The following GSKIP variants were observed in gnomAD, a reference collection of about 807,000 sequenced individuals.
GSKIP encodes the protein GSK3B-interacting protein.
A neutral mutation model predicts 11.9 loss-of-function variants in GSKIP; 5 were observed. The observed-to-expected ratio is 0.42, with a 90% CI of 0.22 to 0.89. The LOEUF (loss-of-function observed/expected upper bound fraction) is 0.89. Ranked by LOEUF, GSKIP falls within the 40% of genes least tolerant of loss-of-function variation. The pLI is 0.29. For missense variants in GSKIP, 150 were observed against 166.6 expected, an observed-to-expected ratio of 0.90 and a Z score of 0.55; for synonymous variants, 70 against 62.9, an observed-to-expected ratio of 1.11 and a Z score of -0.54.
At chr14:96,370,121 A>G (rs1315273426) in intron 1 of GSKIP, among the ~76,000 whole-genome samples, 1 of 152,188 alleles carries the variant, frequency 6.6e-6, no homozygotes, top group East Asian at 1.9e-4. Flanking sequence ...GGAGTATCTT[A>G]CCCTTTTCTC....
intron 2 of GSKIP, among the ~76,000 whole-genome samples, chr14:96,382,039 AT>A (rs1231961725): frequency 6.6e-6 from 1 of 152,062 alleles, no homozygotes; most frequent in Non-Finnish European, 1.5e-5. Flanking sequence ...GAGAAGGGAG[AT>A]TCTTTTTTTT....
intron 1 of GSKIP, chr14:96,379,050 G>C (rs1331358703): frequency 6.5e-6 from 1 of 152,716 alleles, no homozygotes; most frequent in Non-Finnish European, 1.5e-5. Flanking sequence ...GGGCGCAGTG[G>C]TTCATGCCTG....
At chr14:96,372,290 A>G (rs889514565) in intron 1 of GSKIP, among the ~76,000 whole-genome samples, 6 of 152,338 alleles carry the variant, frequency 3.9e-5, no homozygotes, top group African/African-American at 1.4e-4. Context: ...GCTTTATGCC[A>G]GACACTGTGC....
chr14:96,364,440 A>G (rs886890083), intron 1 of GSKIP: 1 of 152,242 alleles, frequency 6.6e-6, no homozygotes, highest in African/African-American at 2.4e-5. Context: ...CAGAGTCCTG[A>G]AACATACAGC....
chr14:96,374,377 T>C (rs1244135532), intron 1 of GSKIP, among the ~76,000 whole-genome samples: 1 of 152,122 alleles, frequency 6.6e-6, no homozygotes, highest in Non-Finnish European at 1.5e-5. Context: ...ATTTTCCAAA[T>C]TTGTTGAAAA....
chr14:96,375,067 G>C (rs1271045301), intron 1 of GSKIP, among the ~76,000 whole-genome samples: 1 of 152,130 alleles, frequency 6.6e-6, no homozygotes, highest in Non-Finnish European at 1.5e-5. Flanking sequence ...GTTTTGTAAA[G>C]TTCATATACA....
intron 3 of GSKIP, chr14:96,384,620 A>C (rs1388917817): frequency 6.6e-6 from 1 of 152,048 alleles, no homozygotes; most frequent in Admixed American, 6.5e-5. Flanking sequence ...AAAAAGAAAA[A>C]CACATGGCCT....
At chr14:96,380,199 T>A (rs1224584865) in intron 2 of GSKIP, 1 of 152,260 alleles carries the variant, frequency 6.6e-6, no homozygotes, top group Non-Finnish European at 1.5e-5. Context: ...AGCGAGTGAC[T>A]AATTCTGTAA....
chr14:96,373,032 C>T (rs768024470), intron 1 of GSKIP, among the ~76,000 whole-genome samples: 40 of 151,864 alleles, frequency 2.6e-4, no homozygotes, highest in Non-Finnish European at 5.1e-4. Context: ...GAGTTTGAGA[C>T]CAGCCTAACC....
rs2139947427 is a variant in GSKIP at position 96,386,021 on chromosome 14, G to T, written c.*337G>T. ...CTTTTACATAGGAAATTCTAGATTT[G>T]CACAGTAATAGAGGAATTAGAAGTA... On this transcript the variant is annotated 3_prime_UTR_variant, in exon 4 of 4. Coordinates refer to ENST00000555181, the MANE Select transcript of GSKIP (RefSeq NM_016472.5). 2 of 187,932 alleles carry T rather than the reference G, an allele frequency of 1.1e-5. No individual in the cohort carries two copies. Among genetic ancestry groups the T allele is most frequent in the Non-Finnish European group, 2.2e-5 (2 of 89,728 alleles). 11.6% of individuals were successfully genotyped at this position (187,932 alleles called of 1,614,324 possible). A position where few individuals can be genotyped will look rare whatever the true frequency, so the allele number is the denominator to read the frequency against.
At chr14:96,365,684 A>G (rs953910533) in intron 1 of GSKIP, among the ~76,000 whole-genome samples, 5 of 151,932 alleles carry the variant, frequency 3.3e-5, no homozygotes, top group Admixed American at 1.3e-4. Context: ...TATATAAAAA[A>G]TCAGTCAGGT....
rs928776922 is a variant in GSKIP at position 96,386,517 on chromosome 14, ATG to A, written c.*839_*840del. The A allele has an allele frequency of 6.6e-6, 1 of 152,570 alleles. No individual in the cohort carries two copies. Among genetic ancestry groups the A allele is most frequent in the Non-Finnish European group, 1.5e-5 (1 of 68,028 alleles). 9.5% of individuals were successfully genotyped at this position (152,570 alleles called of 1,614,324 possible). A position where few individuals can be genotyped will look rare whatever the true frequency, so the allele number is the denominator to read the frequency against. On this transcript the variant is annotated 3_prime_UTR_variant, in exon 4 of 4. Transcript: ENST00000555181. ...TGGCCTGTGTTGATTCTTATTCTGA[ATG>A]TGTGTTTACATAATGTACAGTATAT...
intron 1 of GSKIP, among the ~76,000 whole-genome samples, chr14:96,375,437 T>TC (rs1491246799): frequency 3.7e-4 from 12 of 32,152 alleles, no homozygotes; most frequent in African/African-American, 1.8e-3. Context: ...TTTTTCTCTC[T>TC]TTTTTTTTTT....
chr14:96,382,035 G>A (rs1016257824), intron 2 of GSKIP, among the ~76,000 whole-genome samples: 1 of 152,110 alleles, frequency 6.6e-6, no homozygotes, highest in African/African-American at 2.4e-5. Flanking sequence ...AGTGGAGAAG[G>A]GAGATTCTTT....
Position 96,382,517 on chromosome 14 carries a change from T to G in GSKIP, c.258+12T>G. The G allele has an allele frequency of 6.3e-7, 1 of 1,582,862 alleles. No individual in the cohort carries two copies. The highest frequency in any genetic ancestry group is 8.6e-7 in the Non-Finnish European group (1 of 1,164,714). ...AAGCAGGGCTCAAGGTAACTCACTT[T>G]TCCTTTTAGAAAAAAAAATTATTTA... On this transcript the variant is annotated intron_variant, in intron 3 of 3. Coordinates refer to ENST00000555181, the MANE Select transcript of GSKIP (RefSeq NM_016472.5).
At chr14:96,384,581 AGTT>A (rs1294304541) in intron 3 of GSKIP, 1 of 152,040 alleles carries the variant, frequency 6.6e-6, no homozygotes, top group African/African-American at 2.4e-5. Flanking sequence ...CAAAAAGAAA[AGTT>A]GTAGCTGTGT....
chr14:96,366,765 C>A (rs981659183), intron 1 of GSKIP, among the ~76,000 whole-genome samples: 46 of 152,118 alleles, frequency 3.0e-4, no homozygotes, highest in African/African-American at 1.0e-3. Flanking sequence ...AAAATAATTA[C>A]CCAACCGAAT....
chr14:96,385,169 T>C (rs1284776289), intron 3 of GSKIP, among the ~76,000 whole-genome samples: 1 of 152,194 alleles, frequency 6.6e-6, no homozygotes, highest in Non-Finnish European at 1.5e-5. Context: ...ATGCATGTTT[T>C]AGAATATGAA....
At chr14:96,378,233 A>T (rs1188090332) in intron 1 of GSKIP, among the ~76,000 whole-genome samples, 3 of 152,258 alleles carry the variant, frequency 2.0e-5, no homozygotes, top group Admixed American at 2.0e-4. Context: ...ACCCACCTGC[A>T]GTCCCAACTA....
Sources: gnomAD v4.1 joint callset for allele counts (sites outside exome capture counted in the v4.1 genomes callset) on GRCh38, gnomAD v4.1.1 for gene constraint, MANE v1.5 for transcripts, NCBI Gene and HGNC (gene_info 2026-07-23, HGNC 2026-07-21) for gene names.